Variants in SH2D4B observed in about 807,000 individuals in gnomAD.
The protein encoded by SH2D4B is SH2 domain containing 4B, also known as SH2 domain-containing protein 4B.
Under a neutral mutation model 61.5 loss-of-function variants are expected in SH2D4B, and 45 were observed. That is an observed-to-expected ratio of 0.73 (90% CI 0.58 to 0.94). The LOEUF (loss-of-function observed/expected upper bound fraction) is 0.94, where lower values mean the gene tolerates loss of function less well. Ranked by LOEUF, SH2D4B falls within the 40% of genes least tolerant of loss-of-function variation. SH2D4B has a pLI of 0.00. For missense variants in SH2D4B, 572 were observed against 574.2 expected, an observed-to-expected ratio of 1.00 and a Z score of 0.04; for synonymous variants, 224 against 220.4, an observed-to-expected ratio of 1.02 and a Z score of -0.14.
At chr10:80,581,241 T>A (rs1339535367) in intron 3 of SH2D4B, among the ~76,000 whole-genome samples, 1 of 152,196 alleles carries the variant, frequency 6.6e-6, no homozygotes, top group Non-Finnish European at 1.5e-5. Context: ...TGCTGCTTCC[T>A]TTTAGTCACA....
intron 3 of SH2D4B, among the ~76,000 whole-genome samples, chr10:80,583,648 T>C (rs7092609): frequency 0.27 from 40,916 of 151,568 alleles, 6,495 homozygotes; most frequent in African/African-American, 0.43. Flanking sequence ...CCAGCCTGGG[T>C]GACAGTGAGA....
At chr10:80,590,717 T>G (rs936669655) in intron 4 of SH2D4B, among the ~76,000 whole-genome samples, 35 of 152,196 alleles carry the variant, frequency 2.3e-4, no homozygotes, top group African/African-American at 7.5e-4. Flanking sequence ...GACTTGAAAA[T>G]GGAGATACAA....
intron 1 of SH2D4B, among the ~76,000 whole-genome samples, chr10:80,548,321 G>T (rs1841708446): frequency 1.3e-5 from 2 of 152,138 alleles, no homozygotes; most frequent in East Asian, 3.9e-4. Context: ...GTGCCACCAT[G>T]CCCAGCTAAT....
chr10:80,623,731 T>C (rs1842742625), intron 6 of SH2D4B, among the ~76,000 whole-genome samples: 1 of 152,152 alleles, frequency 6.6e-6, no homozygotes, highest in African/African-American at 2.4e-5. Flanking sequence ...AATCGTGAGG[T>C]GCTTTAAATA....
At chr10:80,604,513 G>C (rs1842493046) in intron 5 of SH2D4B, among the ~76,000 whole-genome samples, 1 of 152,162 alleles carries the variant, frequency 6.6e-6, no homozygotes, top group Admixed American at 6.5e-5. Context: ...TGGGTGGTGA[G>C]CACCTGCCTG....
intron 5 of SH2D4B, among the ~76,000 whole-genome samples, chr10:80,609,157 A>G (rs1296828918): frequency 6.6e-6 from 1 of 152,204 alleles, no homozygotes; most frequent in Non-Finnish European, 1.5e-5. Context: ...TTTCTTTTAA[A>G]TAAATAATAA....
chr10:80,612,279 G>A (rs1488296166), intron 6 of SH2D4B, among the ~76,000 whole-genome samples: 1 of 148,852 alleles, frequency 6.7e-6, no homozygotes, highest in Non-Finnish European at 1.5e-5. Context: ...GAATTCCCTG[G>A]TGGAGGGGCT....
chr10:80,624,629 C>T (rs1234254592), intron 6 of SH2D4B, among the ~76,000 whole-genome samples: 3 of 152,212 alleles, frequency 2.0e-5, no homozygotes, highest in Non-Finnish European at 4.4e-5. Context: ...TGTTTTCAAC[C>T]ATACCACTGC....
At chr10:80,549,948 G>A (rs1841735951) in intron 1 of SH2D4B, among the ~76,000 whole-genome samples, 1 of 152,036 alleles carries the variant, frequency 6.6e-6, no homozygotes, top group Admixed American at 6.6e-5. Context: ...CTGTGGCTGT[G>A]GAGAAAGATT....
Position 80,539,851 on chromosome 10 carries a change from G to A in SH2D4B, c.184+1336G>A, listed in dbSNP as rs968313779. On this transcript the variant is annotated intron_variant, in intron 1 of 7. Coordinates refer to ENST00000646907, the MANE Select transcript of SH2D4B (RefSeq NM_001388272.1). The surrounding 1 kb of genome is among the most constrained non-coding windows in gnomAD (Gnocchi z 4.9). ...GAACAAGACACAGCAGGACCCTGCC[G>A]GGGAGGTTGGGGCAGAGCTGTGACT... Among the ~76,000 whole-genome samples, 1 of 152,268 alleles carries A rather than the reference G, an allele frequency of 6.6e-6. No homozygotes were observed. The highest frequency in any genetic ancestry group is 1.5e-5 in the Non-Finnish European group (1 of 68,016).
chr10:80,631,704 C>G (rs1842836208), intron 6 of SH2D4B, among the ~76,000 whole-genome samples: 1 of 152,120 alleles, frequency 6.6e-6, no homozygotes, highest in African/African-American at 2.4e-5. Flanking sequence ...AAGTCAGGCA[C>G]AGAAAGACAA....
intron 6 of SH2D4B, among the ~76,000 whole-genome samples, chr10:80,624,591 C>T (rs1162458992): frequency 1.3e-5 from 2 of 152,226 alleles, no homozygotes; most frequent in Non-Finnish European, 2.9e-5. Flanking sequence ...AGTCTCAAAC[C>T]TGGCTACATG....
At chr10:80,581,613 C>T (rs965147154) in intron 3 of SH2D4B, among the ~76,000 whole-genome samples, 2 of 152,132 alleles carry the variant, frequency 1.3e-5, no homozygotes, top group Admixed American at 6.5e-5. Context: ...GGCAGCCAGC[C>T]AAGGAGAAGG....
intron 6 of SH2D4B, among the ~76,000 whole-genome samples, chr10:80,612,992 C>T (rs1276199047): frequency 6.6e-6 from 1 of 152,206 alleles, no homozygotes; most frequent in East Asian, 1.9e-4. Flanking sequence ...GAAGATTGAG[C>T]CAACAGGAGT....
intron 1 of SH2D4B, among the ~76,000 whole-genome samples, chr10:80,543,874 A>C (rs1479413365): frequency 2.0e-5 from 3 of 151,424 alleles, no homozygotes; most frequent in East Asian, 1.9e-4. Context: ...TTGTGTAGAC[A>C]CTCTGTATCT....
At chr10:80,619,521 A>T (rs973291573) in intron 6 of SH2D4B, among the ~76,000 whole-genome samples, 10 of 152,174 alleles carry the variant, frequency 6.6e-5, no homozygotes, top group African/African-American at 2.4e-4. Context: ...CAAGGCCCCC[A>T]ATCTAAATGC....
In SH2D4B at chr10:80,570,381, G is replaced by A. The variant is rs1028904503; in HGVS notation, c.347+65G>A. ...GGAAGCTATGCTTAGCCCCACGCAC[G>A]GCTAATTTTTGTATTTTTAGTAGAG... On this transcript the variant is annotated intron_variant, in intron 2 of 7. Coordinates refer to ENST00000646907, the MANE Select transcript of SH2D4B (RefSeq NM_001388272.1). 5.8e-6 allele frequency: 9 copies of A among 1,549,194 alleles called. No individual in the cohort carries two copies. In the South Asian group the frequency reaches 5.9e-5, roughly 10 times the overall value.
chr10:80,595,047 T>G (rs1316451312), intron 4 of SH2D4B, among the ~76,000 whole-genome samples: 2 of 152,244 alleles, frequency 1.3e-5, no homozygotes, highest in Non-Finnish European at 2.9e-5. Flanking sequence ...TAAAAAAATT[T>G]AAAATTTAAT....
At chr10:80,617,179 G>C (rs1451824953) in intron 6 of SH2D4B, among the ~76,000 whole-genome samples, 1 of 152,246 alleles carries the variant, frequency 6.6e-6, no homozygotes, top group Non-Finnish European at 1.5e-5. Flanking sequence ...AGGGCACACG[G>C]TGCTCTGGGG....
Sources: allele counts gnomAD v4.1 joint callset (sites outside exome capture counted in the v4.1 genomes callset), GRCh38; gene constraint gnomAD v4.1.1; non-coding constraint Gnocchi (gnomAD v3.1); transcripts MANE v1.5; gene names NCBI Gene and HGNC (gene_info 2026-07-23, HGNC 2026-07-21).